ARHGAP26: variants seen among roughly 807,000 people sequenced by gnomAD.
ARHGAP26 encodes the protein rho GTPase-activating protein 26.
In ARHGAP26, 38 loss-of-function variants were observed where a neutral mutation model predicts 104.8. The observed-to-expected ratio is 0.36, with a 90% CI of 0.28 to 0.48. The LOEUF (loss-of-function observed/expected upper bound fraction) is 0.48, where lower values mean the gene tolerates loss of function less well. ARHGAP26 is among the 20% of genes least tolerant of loss of function. The probability of loss-of-function intolerance (pLI) is 0.99; values close to 1 mark genes in which losing one functional copy is unlikely to be tolerated. For missense variants in ARHGAP26, 704 were observed against 947.9 expected (o/e 0.74, Z 3.38); for synonymous variants, 341 against 340.0 (o/e 1.00, Z -0.03).
At chr5:142,934,236 T>C (rs1211608589) in intron 11 of ARHGAP26, among the ~76,000 whole-genome samples, 2 of 152,230 alleles carry the variant, frequency 1.3e-5, no homozygotes, top group African/African-American at 4.8e-5. Context: ...TACTAACCAC[T>C]TCAGTTTTCC....
Position 142,871,845 on chromosome 5 carries a change from C to T in ARHGAP26, c.155-1555C>T, listed in dbSNP as rs114893238. On this transcript the variant is annotated intron_variant, in intron 1 of 22. Transcript: ENST00000645722. This position sits in a 1 kb window ranked among gnomAD's most constrained non-coding sequence, Gnocchi z 4.1. ...GGACCATTCTGTGAAAGTGACTGAA[C>T]GAGGGAGAGATCGGAGACTGTTGGC... 7.2e-5 allele frequency among the ~76,000 whole-genome samples: 11 copies of T among 152,304 alleles called. No homozygotes were observed. Among genetic ancestry groups the T allele is most frequent in the Admixed American group, 5.9e-4 (9 of 15,306 alleles).
rs772066864 is a variant in ARHGAP26, at chr5:143,147,327, T to G, written c.1934T>G (p.Met645Arg). ...LNSSSSLQPN[M>R]NSSDPDLAVV... ...TCCAGCAGCAGCTTACAGCCCAACA[T>G]GAACTCCAGTGACCCAGACCTGGCT... The change falls in exon 20 of 23, where the codon ATG becomes AGG. Residue 645 changes from methionine (M) to arginine (R), a missense_variant. By Grantham distance (91) the Met-to-Arg change is moderately conservative (BLOSUM62 -1). Around this residue, in one of 6 missense-constraint regions of ARHGAP26, gnomAD observed 217 missense variants for 242.6 expected, o/e 0.89. Transcript: ENST00000645722. 6.2e-6 allele frequency: 10 copies of G among 1,614,024 alleles called. No homozygotes were observed. The South Asian group carries it at 1.1e-4, about 18-fold the overall frequency.
intron 1 of ARHGAP26, among the ~76,000 whole-genome samples, chr5:142,831,454 G>A (rs1252486118): frequency 2.0e-5 from 3 of 151,950 alleles, no homozygotes; most frequent in East Asian, 1.9e-4. Flanking sequence ...TTTATCAGCC[G>A]TCTGATTTAC....
intron 1 of ARHGAP26, among the ~76,000 whole-genome samples, chr5:142,793,733 G>A (rs1376767986): frequency 1.3e-5 from 2 of 151,986 alleles, no homozygotes; most frequent in Non-Finnish European, 2.9e-5. Context: ...GATTACAGAT[G>A]TGCGCCACCA....
intron 14 of ARHGAP26, among the ~76,000 whole-genome samples, chr5:143,051,866 CTCT>C (rs1255505566): frequency 2.6e-5 from 4 of 152,142 alleles, no homozygotes; most frequent in Non-Finnish European, 4.4e-5. Flanking sequence ...TTCATGTTCA[CTCT>C]TCTTGGGTAG....
chr5:142,860,767 C>T (rs1753175406), intron 1 of ARHGAP26, among the ~76,000 whole-genome samples: 1 of 152,212 alleles, frequency 6.6e-6, no homozygotes, highest in Admixed American at 6.5e-5. Flanking sequence ...CATTTGTAAA[C>T]CCACTGTCAT....
At chr5:143,125,016 A>G (rs1379114407) in intron 18 of ARHGAP26, among the ~76,000 whole-genome samples, 2 of 152,152 alleles carry the variant, frequency 1.3e-5, no homozygotes, top group Non-Finnish European at 2.9e-5. Context: ...GGTAGTGACA[A>G]TTTCAGCCCT....
chr5:143,095,736 C>A (rs1470478783), intron 17 of ARHGAP26, among the ~76,000 whole-genome samples: 3 of 152,190 alleles, frequency 2.0e-5, no homozygotes, highest in Non-Finnish European at 4.4e-5. Context: ...CCATGCCCAG[C>A]TAATTTTTGT....
chr5:142,913,932 C>T (rs745544313), intron 10 of ARHGAP26, among the ~76,000 whole-genome samples: 12 of 152,166 alleles, frequency 7.9e-5, no homozygotes, highest in Non-Finnish European at 2.9e-5. Flanking sequence ...TTCTTTGAGA[C>T]ACTTTACTTG....
At chr5:142,800,158 G>C (rs1761780270) in intron 1 of ARHGAP26, among the ~76,000 whole-genome samples, 1 of 152,168 alleles carries the variant, frequency 6.6e-6, no homozygotes, top group Non-Finnish European at 1.5e-5. Flanking sequence ...TCCAGACTAA[G>C]TTTCTAATGA....
chr5:142,954,594 T>G (rs1030066200), intron 11 of ARHGAP26, among the ~76,000 whole-genome samples: 4 of 152,218 alleles, frequency 2.6e-5, no homozygotes, highest in African/African-American at 7.2e-5. Context: ...CACCCTCCCC[T>G]CTGGGGATCT....
chr5:143,084,635 T>C (rs1790288724), intron 17 of ARHGAP26, among the ~76,000 whole-genome samples: 1 of 152,196 alleles, frequency 6.6e-6, no homozygotes, highest in African/African-American at 2.4e-5. Flanking sequence ...CTGCTTCCTC[T>C]CCAGCCTCGC....
At chr5:142,795,030 C>T (rs1287684964) in intron 1 of ARHGAP26, among the ~76,000 whole-genome samples, 1 of 149,764 alleles carries the variant, frequency 6.7e-6, no homozygotes, top group Non-Finnish European at 1.5e-5. Context: ...CATAGTGTCT[C>T]TGTCATATCT....
chr5:142,780,462 G>A (rs1314803365), intron 1 of ARHGAP26, among the ~76,000 whole-genome samples: 4 of 152,214 alleles, frequency 2.6e-5, no homozygotes, highest in Non-Finnish European at 5.9e-5. Context: ...GATAAACCAT[G>A]ATTTTAGAGT....
intron 17 of ARHGAP26, among the ~76,000 whole-genome samples, chr5:143,092,947 G>A (rs938456814): frequency 2.0e-5 from 3 of 152,140 alleles, no homozygotes; most frequent in African/African-American, 7.2e-5. Context: ...TCAATCACCG[G>A]GGAGGAACCA....
At chr5:143,187,029 C>T (rs991603590) in intron 20 of ARHGAP26, among the ~76,000 whole-genome samples, 1 of 152,150 alleles carries the variant, frequency 6.6e-6, no homozygotes, top group Non-Finnish European at 1.5e-5. Context: ...ATTATAACAG[C>T]TACCATTTAG....
Position 142,819,306 on chromosome 5 carries a change from C to T in ARHGAP26, c.154+48391C>T, listed in dbSNP as rs3733735. Among the ~76,000 whole-genome samples the T allele has an allele frequency of 5.6e-3, 849 of 152,240 alleles. 18 individuals carry two copies. The East Asian group carries it at 0.064, about 11-fold the overall frequency. On this transcript the variant is annotated intron_variant, in intron 1 of 22. Transcript: ENST00000645722. ...CAGTAGGTCAGAGGTCAACCATGGT[C>T]CTTGCAGTGGGGAGTCTGGGCTGTG...
At position 142,900,096 on chromosome 5, in the gene ARHGAP26, A is replaced by T. The variant is rs988021403; in HGVS notation, c.598-1839A>T. ...ATGGGGCAGGGCATTTGCAGATAGC[A>T]GGGAGAGCAGAGTTAAGAAGAGGCA... On this transcript the variant is annotated intron_variant, in intron 6 of 22. Coordinates refer to ENST00000645722, the MANE Select transcript of ARHGAP26 (RefSeq NM_001135608.3). Among the ~76,000 whole-genome samples, 5 of 152,198 alleles carry T rather than the reference A, an allele frequency of 3.3e-5. No individual in the cohort carries two copies. In the East Asian group the frequency reaches 9.6e-4, roughly 29 times the overall value.
At chr5:142,933,951 C>T (rs149425002) in intron 11 of ARHGAP26, among the ~76,000 whole-genome samples, 30 of 152,220 alleles carry the variant, frequency 2.0e-4, no homozygotes, top group African/African-American at 7.2e-4. Context: ...TTCATTTTTA[C>T]AGTACTTTCA....
Sources: allele counts gnomAD v4.1 joint callset (sites outside exome capture counted in the v4.1 genomes callset), GRCh38; gene constraint gnomAD v4.1.1; regional missense constraint gnomAD v4.1.1; non-coding constraint Gnocchi (gnomAD v3.1); transcripts MANE v1.5; gene names NCBI Gene and HGNC (gene_info 2026-07-23, HGNC 2026-07-21).